Variants in MAST4 observed in about 807,000 individuals in gnomAD.
MAST4 encodes the protein microtubule-associated serine/threonine-protein kinase 4.
In MAST4, 89 loss-of-function variants were observed where a neutral mutation model predicts 162.7. The observed-to-expected ratio is 0.55, with a 90% confidence interval of 0.46 to 0.65. MAST4 has a LOEUF of 0.65. Ranked by LOEUF, MAST4 falls within the 30% of genes least tolerant of loss-of-function variation. The pLI is 0.00. For synonymous variants in MAST4, 1,479 were observed against 1,361.1 expected, an observed-to-expected ratio of 1.09 and a Z score of -1.91; for missense variants, 3,153 against 3,374.0, an observed-to-expected ratio of 0.93 and a Z score of 1.62.
intron 3 of MAST4, among the ~76,000 whole-genome samples, chr5:66,872,116 G>T (rs1760974248): frequency 6.6e-6 from 1 of 152,034 alleles, no homozygotes; most frequent in Admixed American, 6.5e-5. Flanking sequence ...AGTAAATTCT[G>T]ATTAGAACCA....
intron 6 of MAST4, among the ~76,000 whole-genome samples, chr5:67,094,541 T>C (rs1013817394): frequency 6.6e-6 from 1 of 152,238 alleles, no homozygotes; most frequent in Non-Finnish European, 1.5e-5. Flanking sequence ...AATGTTGCTT[T>C]TTTTAAAGTG....
Position 66,712,881 on chromosome 5 carries a change from G to A in MAST4, c.364-46828G>A, listed in dbSNP as rs528347114. ...GGTTTTGTTTTAGTGAAACCTATAC[G>A]TTAGGGAAAGTTGATTTGCAGTATT... is the stretch of plus-strand genomic sequence containing the variant. On this transcript the variant is annotated intron_variant, in intron 1 of 28. Transcript: ENST00000403625. Among the ~76,000 whole-genome samples the A allele has an allele frequency of 1.1e-4, 16 of 152,282 alleles. 1 individual carries two copies. The South Asian group carries it at 1.9e-3, about 18-fold the overall frequency.
chr5:66,775,033 GTGT>G (rs1754529206), intron 2 of MAST4, among the ~76,000 whole-genome samples: 1 of 109,120 alleles, frequency 9.2e-6, no homozygotes, highest in African/African-American at 3.3e-5. Flanking sequence ...GTGTGTGTGT[GTGT>G]ATGTGTGTGT....
chr5:66,805,190 T>C (rs1756126766), intron 3 of MAST4, among the ~76,000 whole-genome samples: 1 of 152,240 alleles, frequency 6.6e-6, no homozygotes, highest in South Asian at 2.1e-4. Flanking sequence ...CTTCTTCCTC[T>C]TTTTCCAGAG....
chr5:66,718,244 GTT>G (rs969580758), intron 1 of MAST4, among the ~76,000 whole-genome samples: 250 of 150,136 alleles, frequency 1.7e-3, no homozygotes, highest in African/African-American at 5.7e-3. Context: ...CTATTTGAAG[GTT>G]TTTTTTGTTT....
At chr5:66,642,877 C>G (rs1010357792) in intron 1 of MAST4, among the ~76,000 whole-genome samples, 1 of 152,108 alleles carries the variant, frequency 6.6e-6, no homozygotes, top group Admixed American at 6.5e-5. Context: ...GTTAATAATA[C>G]CCTGGACTGT....
chr5:67,157,729 T>C (rs746775347), intron 26 of MAST4, among the ~76,000 whole-genome samples: 2 of 152,206 alleles, frequency 1.3e-5, no homozygotes, highest in Non-Finnish European at 2.9e-5. Flanking sequence ...GCTTTTCCAC[T>C]GGACTCTCAG....
intron 2 of MAST4, among the ~76,000 whole-genome samples, chr5:66,782,972 A>G (rs1206958798): frequency 6.6e-6 from 1 of 152,232 alleles, no homozygotes; most frequent in Non-Finnish European, 1.5e-5. Flanking sequence ...GTATCATGTT[A>G]GTGCCTTCTA....
At chr5:66,972,752 T>A (rs145437843) in intron 4 of MAST4, among the ~76,000 whole-genome samples, 1 of 152,240 alleles carries the variant, frequency 6.6e-6, no homozygotes, top group Non-Finnish European at 1.5e-5. Flanking sequence ...GCTCTCAGAG[T>A]GATTTTTGTG....
At chr5:66,883,587 C>A (rs1332982327) in intron 3 of MAST4, among the ~76,000 whole-genome samples, 1 of 151,872 alleles carries the variant, frequency 6.6e-6, no homozygotes. Flanking sequence ...CACCACCAGA[C>A]CCGGCTAATT....
intron 2 of MAST4, among the ~76,000 whole-genome samples, chr5:66,775,055 T>A (rs1754533623): frequency 6.6e-6 from 1 of 151,558 alleles, no homozygotes; most frequent in Admixed American, 6.6e-5. Context: ...GTTTTCCCCC[T>A]GTAGCTGCTT....
intron 4 of MAST4, among the ~76,000 whole-genome samples, chr5:66,954,205 C>T (rs1482438437): frequency 6.6e-6 from 1 of 152,168 alleles, no homozygotes; most frequent in African/African-American, 2.4e-5. Context: ...TTAGGTTCCT[C>T]TTCTGCACAC....
intron 1 of MAST4, among the ~76,000 whole-genome samples, chr5:66,740,035 G>T (rs1752397757): frequency 6.6e-6 from 1 of 152,188 alleles, no homozygotes; most frequent in African/African-American, 2.4e-5. Context: ...GTAGTGAGAA[G>T]TCATCAAGAG....
chr5:67,125,239 T>G (rs962636583), intron 14 of MAST4, among the ~76,000 whole-genome samples: 1 of 151,724 alleles, frequency 6.6e-6, no homozygotes, highest in Non-Finnish European at 1.5e-5. Flanking sequence ...GAAAACACCC[T>G]TTTTTGGTTC....
intron 4 of MAST4, among the ~76,000 whole-genome samples, chr5:66,933,178 C>G (rs915686242): frequency 4.6e-5 from 7 of 152,120 alleles, no homozygotes; most frequent in Non-Finnish European, 1.0e-4. Context: ...TAAGTACTTA[C>G]AGTTCTGATA....
intron 4 of MAST4, among the ~76,000 whole-genome samples, chr5:66,983,685 A>G (rs1749134762): frequency 6.6e-6 from 1 of 152,050 alleles, no homozygotes; most frequent in African/African-American, 2.4e-5. Context: ...GATTAGAGGT[A>G]TTTGCTTTTG....
At chr5:66,820,149 C>T (rs975799609) in intron 3 of MAST4, among the ~76,000 whole-genome samples, 1 of 151,902 alleles carries the variant, frequency 6.6e-6, no homozygotes, top group African/African-American at 2.4e-5. Context: ...CATGTATAGC[C>T]TGAATGTGCT....
intron 4 of MAST4, among the ~76,000 whole-genome samples, chr5:67,000,847 G>A (rs926678325): frequency 2.0e-5 from 3 of 152,074 alleles, no homozygotes; most frequent in African/African-American, 7.2e-5. Flanking sequence ...AGAAGGGGAG[G>A]TAATAGTGAA....
At chr5:66,607,907 C>T (rs1487911103) in intron 1 of MAST4, among the ~76,000 whole-genome samples, 1 of 152,060 alleles carries the variant, frequency 6.6e-6, no homozygotes, top group Non-Finnish European at 1.5e-5. Context: ...CAATAGGCAC[C>T]TATTCTTCCT....
Sources: gnomAD v4.1 joint callset for allele counts (sites outside exome capture counted in the v4.1 genomes callset) on GRCh38, gnomAD v4.1.1 for gene constraint, MANE v1.5 for transcripts, NCBI Gene and HGNC (gene_info 2026-07-23, HGNC 2026-07-21) for gene names.